Variants in ABHD2 observed in about 807,000 individuals in gnomAD.
ABHD2 encodes the protein abhydrolase domain containing 2, acylglycerol lipase, also known as monoacylglycerol lipase ABHD2.
In ABHD2, 20 loss-of-function variants were observed where a neutral mutation model predicts 48.1. The ratio of observed to expected loss-of-function variants is 0.42; its 90% confidence interval spans 0.29 to 0.60. ABHD2 has a LOEUF of 0.60. Among genes scored for constraint, ABHD2 ranks in the 20% least tolerant of loss-of-function variants. The probability of loss-of-function intolerance (pLI) is 0.24; values close to 1 mark genes in which losing one functional copy is unlikely to be tolerated. For synonymous variants in ABHD2, 209 were observed against 214.2 expected (o/e 0.98, Z 0.21); for missense variants, 405 against 550.9 (o/e 0.74, Z 2.65).
rs569218454 is a variant in ABHD2, at chr15:89,102,744, C to T, written c.-106-10981C>T. ...GGAAGAGCTCCTGAGGAGTGAGTGG[C>T]GTAGCTATCTGCTTCATGTGGGGCG... is the stretch of plus-strand genomic sequence containing the variant. On this transcript the variant is annotated intron_variant, in intron 1 of 10. Transcript: ENST00000352732. The surrounding 1 kb of genome is among the most constrained non-coding windows in gnomAD (Gnocchi z 4.8). Among the ~76,000 whole-genome samples the T allele has an allele frequency of 6.6e-6, 1 of 152,332 alleles. No individual in the cohort carries two copies. The highest frequency in any genetic ancestry group is 1.5e-5 in the Non-Finnish European group (1 of 68,024).
chr15:89,159,789 T>C (rs1482757652), intron 5 of ABHD2, among the ~76,000 whole-genome samples: 1 of 152,102 alleles, frequency 6.6e-6, no homozygotes, highest in Non-Finnish European at 1.5e-5. Flanking sequence ...TGTTGTTACA[T>C]TTTATTTCAT....
intron 3 of ABHD2, among the ~76,000 whole-genome samples, chr15:89,136,780 G>T (rs1302594645): frequency 6.6e-6 from 1 of 152,244 alleles, no homozygotes; most frequent in Non-Finnish European, 1.5e-5. Flanking sequence ...AATATAATGT[G>T]ATTTTCCAGC....
chr15:89,101,833 G>A (rs571491092), intron 1 of ABHD2, among the ~76,000 whole-genome samples: 1 of 152,280 alleles, frequency 6.6e-6, no homozygotes, highest in East Asian at 1.9e-4. Context: ...GCCATCAAGG[G>A]CTTGCAGTGG....
In ABHD2 at chr15:89,190,987, G is replaced by A. The variant is rs757948500; in HGVS notation, c.927-93G>A. 4.3e-5 allele frequency: 53 copies of A among 1,234,800 alleles called. No individual in the cohort carries two copies. In the Admixed American group the frequency reaches 6.9e-4, roughly 16 times the overall value. 76.5% of individuals were successfully genotyped at this position (1,234,800 alleles called of 1,614,324 possible). ...TACTCTACCAATGCCACAAGTTAGC[G>A]TGAGGAACTGGAGCCATCGTCGGCT... On this transcript the variant is annotated intron_variant, in intron 8 of 10. Transcript: ENST00000352732.
chr15:89,135,347 T>C (rs986470050), intron 3 of ABHD2, among the ~76,000 whole-genome samples: 1 of 151,932 alleles, frequency 6.6e-6, no homozygotes, highest in Non-Finnish European at 1.5e-5. Context: ...TTGGTGGCTA[T>C]TGAAAATACC....
the ABHD2 span, among the ~76,000 whole-genome samples, chr15:89,068,771 T>TTTTG: frequency 4.7e-3 from 600 of 128,214 alleles, 10 homozygotes; most frequent in African/African-American, 0.017. Context: ...TTTTTTTTTT[T>TTTTG]TTTTTTTTTT....
chr15:89,142,227 T>C (rs2050415005), intron 3 of ABHD2, among the ~76,000 whole-genome samples: 1 of 152,220 alleles, frequency 6.6e-6, no homozygotes, highest in Non-Finnish European at 1.5e-5. Context: ...CACAAAATTG[T>C]CATTGAAGGC....
the ABHD2 span, among the ~76,000 whole-genome samples, chr15:89,067,169 T>A: frequency 6.6e-6 from 1 of 151,392 alleles, no homozygotes; most frequent in South Asian, 2.1e-4. Flanking sequence ...AGGGGGCCAA[T>A]GCTAGTATGG....
At chr15:89,050,046 G>A in the ABHD2 span, among the ~76,000 whole-genome samples, 6 of 152,182 alleles carry the variant, frequency 3.9e-5, no homozygotes, top group Non-Finnish European at 7.3e-5. Context: ...CATAGGTCTA[G>A]TCTAAGACTC....
At chr15:89,093,188 T>A (rs1901667233) in intron 1 of ABHD2, among the ~76,000 whole-genome samples, 2 of 145,544 alleles carry the variant, frequency 1.4e-5, no homozygotes, top group Admixed American at 6.8e-5. Flanking sequence ...TTTTTTTTTT[T>A]TTTTTTTTTG....
chr15:89,139,312 C>A (rs2050366273), intron 3 of ABHD2, among the ~76,000 whole-genome samples: 1 of 152,146 alleles, frequency 6.6e-6, no homozygotes, highest in Admixed American at 6.5e-5. Context: ...TCTTGGTACT[C>A]CCCATGATGC....
At position 89,195,739 on chromosome 15, in the gene ABHD2, G is replaced by C. The variant is rs1192387874; in HGVS notation, c.*316G>C. The C allele has an allele frequency of 3.5e-6, 1 of 284,600 alleles. No homozygotes were observed. The highest frequency in any genetic ancestry group is 6.6e-6 in the Non-Finnish European group (1 of 151,238). 17.6% of individuals were successfully genotyped at this position (284,600 alleles called of 1,614,324 possible). On this transcript the variant is annotated 3_prime_UTR_variant, in exon 11 of 11. Coordinates refer to ENST00000352732, the MANE Select transcript of ABHD2 (RefSeq NM_152924.5). This position sits in a 1 kb window ranked among gnomAD's most constrained non-coding sequence, Gnocchi z 5.1. ...CATCTAGTTTCCCTATTAAAAATGT[G>C]TCTGAATAGCGATTTTGCTTTGCCA... is the stretch of plus-strand genomic sequence containing the variant.
At position 89,155,311 on chromosome 15, in the gene ABHD2, C is replaced by T; in HGVS notation, c.371-56C>T. ...CTAGACCAGTGAAGTGTAATTATGT[C>T]CATTTATCATGTCACATTTCTTGGA... is the stretch of plus-strand genomic sequence containing the variant. On this transcript the variant is annotated intron_variant, in intron 4 of 10. Coordinates refer to ENST00000352732, the MANE Select transcript of ABHD2 (RefSeq NM_152924.5). This position sits in a 1 kb window ranked among gnomAD's most constrained non-coding sequence, Gnocchi z 4.9. 1 of 1,552,178 alleles carries T rather than the reference C, an allele frequency of 6.4e-7. No individual in the cohort carries two copies. The highest frequency in any genetic ancestry group is 8.8e-7 in the Non-Finnish European group (1 of 1,131,948).
intron 5 of ABHD2, among the ~76,000 whole-genome samples, chr15:89,156,287 AT>A (rs1490237309): frequency 6.6e-6 from 1 of 151,014 alleles, no homozygotes; most frequent in Non-Finnish European, 1.5e-5. Context: ...CGCCTGGCTA[AT>A]TTTTTTGTAT....
the ABHD2 span, among the ~76,000 whole-genome samples, chr15:89,051,801 C>T: frequency 1.3e-5 from 2 of 152,150 alleles, no homozygotes; most frequent in African/African-American, 4.8e-5. Flanking sequence ...GTCAATTAAA[C>T]CTCTTTCCTT....
intron 1 of ABHD2, among the ~76,000 whole-genome samples, chr15:89,113,350 G>A (rs1025427360): frequency 2.0e-5 from 3 of 152,230 alleles, no homozygotes; most frequent in South Asian, 4.1e-4. Context: ...TGGCTGTGCT[G>A]TCTCGATCTC....
chr15:89,191,567 GCA>G (rs1338501403), intron 9 of ABHD2, among the ~76,000 whole-genome samples: 8 of 151,882 alleles, frequency 5.3e-5, no homozygotes, highest in Non-Finnish European at 1.2e-4. Context: ...GATCTGGTAA[GCA>G]CAGAGTAAAA....
intron 1 of ABHD2, among the ~76,000 whole-genome samples, chr15:89,099,797 G>A (rs943895183): frequency 1.3e-5 from 2 of 151,808 alleles, no homozygotes; most frequent in Admixed American, 1.3e-4. Context: ...CCAGCTACTC[G>A]GGAGGCTGAG....
the ABHD2 span, among the ~76,000 whole-genome samples, chr15:89,078,619 C>T: frequency 6.6e-6 from 1 of 152,162 alleles, no homozygotes; most frequent in African/African-American, 2.4e-5. Context: ...CTCACAATTG[C>T]TTACAAGGAA....
Sources: allele counts gnomAD v4.1 joint callset (sites outside exome capture counted in the v4.1 genomes callset), GRCh38; gene constraint gnomAD v4.1.1; non-coding constraint Gnocchi (gnomAD v3.1); transcripts MANE v1.5; gene names NCBI Gene and HGNC (gene_info 2026-07-23, HGNC 2026-07-21).